LPP: variants seen among roughly 807,000 people sequenced by gnomAD.
LPP encodes the protein LIM domain containing preferred translocation partner in lipoma.
LPP carries 38 observed loss-of-function variants against 60.4 expected under a neutral mutation model. The observed-to-expected ratio is 0.63, with a 90% CI of 0.49 to 0.83. The LOEUF is 0.83. LPP is among the 40% of genes least tolerant of loss of function. The pLI, the probability that LPP is intolerant of heterozygous loss-of-function variation, is 0.00. For synonymous variants in LPP, 328 were observed against 290.8 expected (o/e 1.13, Z -1.30); for missense variants, 902 against 783.6 (o/e 1.15, Z -1.80).
chr3:188,658,052 G>A (rs762849428), intron 7 of LPP, among the ~76,000 whole-genome samples: 4 of 151,350 alleles, frequency 2.6e-5, no homozygotes, highest in African/African-American at 9.7e-5. Context: ...CACAGTGACA[G>A]TGACAACGAA....
At chr3:188,502,157 A>G (rs926197158) in intron 5 of LPP, among the ~76,000 whole-genome samples, 1 of 152,108 alleles carries the variant, frequency 6.6e-6, no homozygotes, top group Non-Finnish European at 1.5e-5. Context: ...CAAGTCCTCT[A>G]TTTCCTGACT....
At chr3:188,351,249 T>G (rs1765746603) in intron 3 of LPP, among the ~76,000 whole-genome samples, 1 of 152,184 alleles carries the variant, frequency 6.6e-6, no homozygotes, top group African/African-American at 2.4e-5. Context: ...GTTTCTGAGA[T>G]GGATATGAGA....
At chr3:188,468,991 A>G (rs1801120229) in intron 4 of LPP, among the ~76,000 whole-genome samples, 1 of 152,192 alleles carries the variant, frequency 6.6e-6, no homozygotes, top group Admixed American at 6.5e-5. Flanking sequence ...AAATTTTGCA[A>G]TTTGGGACTG....
In LPP at chr3:188,609,864, AAGG is replaced by A. The variant is rs760572964; in HGVS notation, c.1113+26_1113+28del. 10 of 1,593,902 alleles carry A rather than the reference AAGG, an allele frequency of 6.3e-6. No individual in the cohort carries two copies. The highest frequency in any genetic ancestry group is 1.7e-5 in the Admixed American group (1 of 57,854). ...CCAAAGGTAAGAAACTCAGTAACAT[AAGG>A]AGGAGAATACAGGGGTGCCTATCTT... On this transcript the variant is annotated intron_variant, in intron 7 of 11. Transcript: ENST00000617246. The surrounding 1 kb of genome is among the most constrained non-coding windows in gnomAD (Gnocchi z 6.9).
At chr3:188,388,769 T>A (rs1778968405) in intron 3 of LPP, among the ~76,000 whole-genome samples, 1 of 152,204 alleles carries the variant, frequency 6.6e-6, no homozygotes, top group African/African-American at 2.4e-5. Flanking sequence ...CTGTAGTAAC[T>A]GAAAGCAGTA....
At chr3:188,585,419 C>T (rs1837221978) in intron 6 of LPP, among the ~76,000 whole-genome samples, 1 of 152,092 alleles carries the variant, frequency 6.6e-6, no homozygotes, top group Admixed American at 6.6e-5. Context: ...GACTTCTGAG[C>T]TTGAGCCATA....
chr3:188,524,509 T>C lies in LPP; in HGVS notation c.307-156T>C, dbSNP rs558031371. Among the ~76,000 whole-genome samples, 3 of 152,242 alleles carry C rather than the reference T, an allele frequency of 2.0e-5. No homozygotes were observed. The South Asian group carries it at 6.2e-4, about 32-fold the overall frequency. ...TCTGTCATAAAGTGATAATTCTATC[T>C]CAGCCTACCTCACTGAGATTTTATG... On this transcript the variant is annotated intron_variant, in intron 5 of 11. Transcript: ENST00000617246.
At chr3:188,738,793 T>G (rs6766661) in intron 8 of LPP, among the ~76,000 whole-genome samples, 1 of 152,124 alleles carries the variant, frequency 6.6e-6, no homozygotes, top group East Asian at 1.9e-4. Context: ...ATCAGCAAGA[T>G]GTAATTTCTA....
intron 1 of LPP, among the ~76,000 whole-genome samples, chr3:188,219,842 G>C (rs953936327): frequency 6.6e-6 from 1 of 152,084 alleles, no homozygotes; most frequent in African/African-American, 2.4e-5. Context: ...CCTTTAGCCT[G>C]AGATAACCTC....
chr3:188,514,742 G>A (rs1014922745), intron 5 of LPP, among the ~76,000 whole-genome samples: 2 of 152,172 alleles, frequency 1.3e-5, no homozygotes, highest in African/African-American at 4.8e-5. Context: ...GTGCCTGGCG[G>A]CAGTTTTGTT....
chr3:188,215,703 G>T (rs570880777), intron 1 of LPP, among the ~76,000 whole-genome samples: 1 of 152,250 alleles, frequency 6.6e-6, no homozygotes, highest in South Asian at 2.1e-4. Context: ...CCATGTTATA[G>T]AAGAACAGCA....
chr3:188,746,119 A>G (rs1355847073), intron 8 of LPP, among the ~76,000 whole-genome samples: 1 of 152,178 alleles, frequency 6.6e-6, no homozygotes, highest in Admixed American at 6.5e-5. Context: ...CACCAGGCTA[A>G]ATTATTCCTC....
chr3:188,160,151 C>A (rs992642279), intron 1 of LPP, among the ~76,000 whole-genome samples: 6 of 151,706 alleles, frequency 4.0e-5, no homozygotes, highest in Admixed American at 2.0e-4. Context: ...ACCTCGTGAT[C>A]CACCTGCCTT....
intron 9 of LPP, among the ~76,000 whole-genome samples, chr3:188,777,407 G>A (rs1738167928): frequency 6.6e-6 from 1 of 151,990 alleles, no homozygotes; most frequent in East Asian, 1.9e-4. Context: ...TATTGTAGTG[G>A]GCATTGGGGG....
rs1193972099 is a variant in LPP at position 188,297,281 on chromosome 3, C to T, written c.-66-44382C>T. On this transcript the variant is annotated intron_variant, in intron 2 of 11. Transcript: ENST00000617246. ...TCAGCCCCCACTTCGGAAATAACAA[C>T]CACCCCTCAGTGCCAAATTTTGGAC... Among the ~76,000 whole-genome samples, 7 of 152,310 alleles carry T rather than the reference C, an allele frequency of 4.6e-5. No homozygotes were observed. In the South Asian group the frequency reaches 1.2e-3, roughly 27 times the overall value.
At chr3:188,379,169 T>G (rs986592552) in intron 3 of LPP, among the ~76,000 whole-genome samples, 9 of 151,852 alleles carry the variant, frequency 5.9e-5, no homozygotes, top group African/African-American at 2.2e-4. Flanking sequence ...AAGACACAAG[T>G]TTGGTTTTGT....
intron 9 of LPP, among the ~76,000 whole-genome samples, chr3:188,811,731 C>T (rs1233261658): frequency 6.6e-6 from 1 of 151,956 alleles, no homozygotes; most frequent in Admixed American, 6.6e-5. Context: ...AAGGGACTTG[C>T]CTGGGGTAAA....
chr3:188,660,248 C>T (rs1854277624), intron 7 of LPP, among the ~76,000 whole-genome samples: 1 of 152,152 alleles, frequency 6.6e-6, no homozygotes, highest in South Asian at 2.1e-4. Context: ...ACTTTGTTTA[C>T]CTACAATAAT....
intron 2 of LPP, among the ~76,000 whole-genome samples, chr3:188,240,521 G>A (rs1723989002): frequency 1.3e-5 from 2 of 152,170 alleles, no homozygotes; most frequent in African/African-American, 4.8e-5. Context: ...GCTTTATTTT[G>A]TAGGGAAGGA....
Sources: allele counts gnomAD v4.1 joint callset (sites outside exome capture counted in the v4.1 genomes callset), GRCh38; gene constraint gnomAD v4.1.1; non-coding constraint Gnocchi (gnomAD v3.1); transcripts MANE v1.5; gene names NCBI Gene and HGNC (gene_info 2026-07-23, HGNC 2026-07-21).